The following CCNI variants were observed in gnomAD, a reference collection of about 807,000 sequenced individuals.
CCNI encodes cyclin I, also known as cyclin-I.
CCNI carries 14 observed loss-of-function variants against 34.1 expected under a neutral mutation model. That is an observed-to-expected ratio of 0.41 (90% CI 0.27 to 0.64). CCNI has a LOEUF of 0.64. Among genes scored for constraint, CCNI ranks in the 30% least tolerant of loss-of-function variants. CCNI has a pLI of 0.31. For synonymous variants in CCNI, 154 were observed against 158.4 expected, an observed-to-expected ratio of 0.97 and a Z score of 0.21; for missense variants, 385 against 440.5, an observed-to-expected ratio of 0.87 and a Z score of 1.13.
chr4:77,062,980 T>C (rs908456669), intron 2 of CCNI, among the ~76,000 whole-genome samples: 6 of 152,174 alleles, frequency 3.9e-5, no homozygotes, highest in African/African-American at 1.4e-4. Context: ...GTCTATTATA[T>C]GCAAGTAAAC....
chr4:77,058,638 A>G lies in CCNI; in HGVS notation c.115-3T>C, dbSNP rs749565578. 1.9e-6 allele frequency: 3 copies of G among 1,609,758 alleles called. No individual in the cohort carries two copies. The highest frequency in any genetic ancestry group is 1.7e-5 in the Admixed American group (1 of 59,106). ...TCTCTCTGGGATGGAGAAACATTCT[A>G]TAAGGGAACAATTTTGAAAACAGAA... is the stretch of plus-strand genomic sequence containing the variant. On this transcript the variant is annotated splice_region_variant and splice_polypyrimidine_tract_variant and intron_variant, in intron 2 of 6. Transcript: ENST00000237654.
intron 6 of CCNI, among the ~76,000 whole-genome samples, chr4:77,053,601 G>C (rs986405768): frequency 2.6e-5 from 4 of 152,084 alleles, no homozygotes; most frequent in African/African-American, 9.7e-5. Context: ...TTCAAAATCT[G>C]TCCTCTGACA....
In CCNI at chr4:77,055,308, A is replaced by C. The variant is rs756497401; in HGVS notation, c.532T>G (p.Leu178Val). ...SLPKLSPSQH[L>V]AVLTKQLLHC... ...AGTAGTTGCTTGGTAAGGACTGCCA[A>C]ATGTTGAGATGGGCTCAATTTGGGC... is the stretch of plus-strand genomic sequence containing the variant. The change falls in exon 6 of 7, where the codon TTG becomes GTG. Residue 178 changes from leucine (L) to valine (V), a missense_variant. Leu to Val is a conservative substitution (Grantham distance 32). This residue lies in a region of CCNI where 250 missense variants were observed against 248.7 expected (regional missense o/e 1.01). Coordinates refer to ENST00000237654, the MANE Select transcript of CCNI (RefSeq NM_006835.3). 1 of 1,614,230 alleles carries C rather than the reference A, an allele frequency of 6.2e-7. No individual in the cohort carries two copies. The highest frequency in any genetic ancestry group is 8.5e-7 in the Non-Finnish European group (1 of 1,180,030).
At chr4:77,057,590 A>G (rs1318659020) in intron 3 of CCNI, among the ~76,000 whole-genome samples, 1 of 152,208 alleles carries the variant, frequency 6.6e-6, no homozygotes, top group Admixed American at 6.5e-5. Flanking sequence ...CTACTTTTTC[A>G]TGCCTTGCCA....
At chr4:77,073,396 AAAC>A (rs1404488212) in intron 1 of CCNI, among the ~76,000 whole-genome samples, 1 of 152,206 alleles carries the variant, frequency 6.6e-6, no homozygotes, top group Non-Finnish European at 1.5e-5. Context: ...TATACAATAT[AAAC>A]AACTTCACTA....
Sources: gnomAD v4.1 joint callset for allele counts (sites outside exome capture counted in the v4.1 genomes callset) on GRCh38, gnomAD v4.1.1 for gene constraint, gnomAD v4.1.1 regional missense constraint, MANE v1.5 for transcripts, NCBI Gene and HGNC (gene_info 2026-07-23, HGNC 2026-07-21) for gene names.